DVL3: variants seen among roughly 807,000 people sequenced by gnomAD.
DVL3 encodes the protein segment polarity protein dishevelled homolog DVL-3.
In DVL3, 27 loss-of-function variants were observed where a neutral mutation model predicts 67.4. That is an observed-to-expected ratio of 0.40 (90% CI 0.30 to 0.55). The LOEUF (loss-of-function observed/expected upper bound fraction) is 0.55, where lower values mean the gene tolerates loss of function less well. DVL3 is among the 20% of genes least tolerant of loss of function. The pLI is 0.46. For missense variants in DVL3, 819 were observed against 1,021.5 expected, an observed-to-expected ratio of 0.80 and a Z score of 2.70; for synonymous variants, 369 against 396.8, an observed-to-expected ratio of 0.93 and a Z score of 0.83.
rs763662269 is a variant in DVL3, at chr3:184,167,961, G to A, written c.1394G>A (p.Arg465His). The A allele has an allele frequency of 1.1e-5, 17 of 1,614,148 alleles. No homozygotes were observed. The highest frequency in any genetic ancestry group is 8.5e-6 in the Non-Finnish European group (10 of 1,180,050). The part of the protein sequence containing the change: ...VEGFTDRREA[R>H]KYASNLLKAG... ...GGCTTCACGGACCGGAGGGAGGCCC[G>A]CAAGTATGCCAGCAACCTGCTGAAA... is the stretch of plus-strand genomic sequence containing the variant. The change falls in exon 13 of 15, where the codon CGC (arginine) becomes CAC (histidine). Residue 465 changes from arginine (R) to histidine (H), a missense_variant. Arg to His is a conservative substitution (Grantham distance 29, BLOSUM62 0). Coordinates refer to ENST00000313143, the MANE Select transcript of DVL3 (RefSeq NM_004423.4). The surrounding 1 kb of genome is among the most constrained non-coding windows in gnomAD (Gnocchi z 4.6).
In DVL3 at chr3:184,171,414, C is replaced by G; in HGVS notation, c.*659C>G. ...TGAGCAGCTGGTGGCTTCCAGGGAG[C>G]ATCTCTGCTCTACCCCTGCCCCATG... On this transcript the variant is annotated 3_prime_UTR_variant, in exon 15 of 15. Transcript: ENST00000313143. 1.0e-6 allele frequency: 1 copy of G among 995,682 alleles called. No individual in the cohort carries two copies. The highest frequency in any genetic ancestry group is 4.4e-5 in the South Asian group (1 of 22,516). The allele number at this position is 995,682 out of a possible 1,614,324, so 61.7% of individuals were successfully genotyped here.
In DVL3 at chr3:184,170,198, G is replaced by C. The variant is rs1308904035; in HGVS notation, c.1691G>C (p.Ser564Thr). 2 of 1,611,592 alleles carry C rather than the reference G, an allele frequency of 1.2e-6. No homozygotes were observed. The highest frequency in any genetic ancestry group is 1.7e-6 in the Non-Finnish European group (2 of 1,179,770). ...CTGGGCTACAGCTACGGCGGGGGCA[G>C]CGCCAGCAGTCAGCACAGCGAAGGT... ...PELGYSYGGG[S>T]ASSQHSEGSR... Residue 564 changes from serine (S) to threonine (T), a missense_variant, in exon 14 of 15, where the codon AGC becomes ACC. This residue lies in a region of DVL3 where 324 missense variants were observed against 331.3 expected (regional missense o/e 0.98). Coordinates refer to ENST00000313143, the MANE Select transcript of DVL3 (RefSeq NM_004423.4). This position sits in a 1 kb window ranked among gnomAD's most constrained non-coding sequence, Gnocchi z 6.5.
In DVL3 at chr3:184,171,049, T is replaced by G; in HGVS notation, c.*294T>G. 1 of 1,311,356 alleles carries G rather than the reference T, an allele frequency of 7.6e-7. No homozygotes were observed. The allele number at this position is 1,311,356 out of a possible 1,614,324, so 81.2% of individuals were successfully genotyped here. On this transcript the variant is annotated 3_prime_UTR_variant, in exon 15 of 15. Transcript: ENST00000313143. The stretch of plus-strand genomic sequence containing the variant: ...GACCAGACTTGTTGGTGCTACCCCT[T>G]ACTCCCCTCTGCAACCCCCATTTTG...
rs1270690518 is a variant in DVL3 at position 184,155,779 on chromosome 3, T to A, written c.144T>A (p.Ser48=). ...QRPSYKFFFK[S]MDDDFGVVKE... is the part of the protein sequence containing the mutation. ...CCAGCTATAAGTTCTTCTTCAAGTC[T>A]ATGGACGACGATTTCGGGTGAGGAT... Residue 48 remains serine, a synonymous_variant, in exon 1 of 15, where the codon TCT becomes TCA. Transcript: ENST00000313143. The surrounding 1 kb of genome is among the most constrained non-coding windows in gnomAD (Gnocchi z 5.4). 6.2e-7 allele frequency: 1 copy of A among 1,610,942 alleles called. No individual in the cohort carries two copies. The highest frequency in any genetic ancestry group is 8.5e-7 in the Non-Finnish European group (1 of 1,178,914).
Position 184,164,820 on chromosome 3 carries a change from A to C in DVL3, c.488A>C (p.Lys163Thr). 6.2e-7 allele frequency: 1 copy of C among 1,614,168 alleles called. No individual in the cohort carries two copies. The highest frequency in any genetic ancestry group is 8.5e-7 in the Non-Finnish European group (1 of 1,180,034). ...EHATRLNGTA[K>T]GERRREPGGY... ...GCAACCCGGCTAAATGGAACTGCGAAGGGGGAACGGCGGCGAGAACCAGGG... is the reference window on the plus strand; with the variant it reads ...GCAACCCGGCTAAATGGAACTGCGACGGGGGAACGGCGGCGAGAACCAGGG... The change falls in exon 5 of 15, where the codon AAG (lysine) becomes ACG (threonine). Residue 163 changes from lysine (K) to threonine (T), a missense_variant. By Grantham distance (78) the Lys-to-Thr change is moderately conservative. Transcript: ENST00000313143. This position sits in a 1 kb window ranked among gnomAD's most constrained non-coding sequence, Gnocchi z 5.3.
In DVL3 at chr3:184,171,656, C is replaced by A; in HGVS notation, c.*901C>A. 2.1e-6 allele frequency: 2 copies of A among 945,916 alleles called. No homozygotes were observed. The highest frequency in any genetic ancestry group is 2.5e-6 in the Non-Finnish European group (2 of 793,534). The allele number at this position is 945,916 out of a possible 1,614,324, so 58.6% of individuals were successfully genotyped here. ...AGACCAGGAACCCTGCTTCAGCAGC[C>A]CCTCAGGGCTTCCCAAGGATGTCCA... is the stretch of plus-strand genomic sequence containing the variant. On this transcript the variant is annotated 3_prime_UTR_variant, in exon 15 of 15. Coordinates refer to ENST00000313143, the MANE Select transcript of DVL3 (RefSeq NM_004423.4).
rs925259657 is a variant in DVL3 at position 184,167,304 on chromosome 3, T to C, written c.1199-276T>C. Among the ~76,000 whole-genome samples the C allele has an allele frequency of 6.6e-6, 1 of 152,174 alleles. No individual in the cohort carries two copies. The highest frequency in any genetic ancestry group is 2.4e-5 in the African/African-American group (1 of 41,440). On this transcript the variant is annotated intron_variant, in intron 11 of 14. Coordinates refer to ENST00000313143, the MANE Select transcript of DVL3 (RefSeq NM_004423.4). The surrounding 1 kb of genome is among the most constrained non-coding windows in gnomAD (Gnocchi z 4.6). ...TGCGATGTGTGGTGTAAAGTAAGCA[T>C]TCAGTAAACGGCAGCCATTTCGATT...
Position 184,159,114 on chromosome 3 carries a change from A to G in DVL3, c.161+3318A>G, listed in dbSNP as rs1224302571. Among the ~76,000 whole-genome samples, 25 of 104,948 alleles carry G rather than the reference A, an allele frequency of 2.4e-4. 10 individuals are homozygous for G. The highest frequency in any genetic ancestry group is 9.2e-4 in the African/African-American group (25 of 27,302). The allele number at this position is 104,948 out of a possible 152,430, so 68.8% of individuals were successfully genotyped here. A position where few individuals can be genotyped will look rare whatever the true frequency, so the allele number is the denominator to read the frequency against. On this transcript the variant is annotated intron_variant, in intron 1 of 14. Coordinates refer to ENST00000313143, the MANE Select transcript of DVL3 (RefSeq NM_004423.4). ...TTATTTGAGAAATGGAGGAAGGATA[A>G]ACATTTTCAGCATTGAGGGCATGGT...
chr3:184,170,238 G>C lies in DVL3; in HGVS notation c.1714+17G>C, dbSNP rs774547282. On this transcript the variant is annotated intron_variant, in intron 14 of 14. Coordinates refer to ENST00000313143, the MANE Select transcript of DVL3 (RefSeq NM_004423.4). This position sits in a 1 kb window ranked among gnomAD's most constrained non-coding sequence, Gnocchi z 6.5. ...ACAGCGAAGGTAAGGTAGAGGGGCC[G>C]TGGAGGAAGGCTATAGGTGGGCCCC... 1 of 1,610,936 alleles carries C rather than the reference G, an allele frequency of 6.2e-7. No homozygotes were observed. The highest frequency in any genetic ancestry group is 8.5e-7 in the Non-Finnish European group (1 of 1,178,902).
At position 184,164,978 on chromosome 3, in the gene DVL3, G is replaced by C. The variant is rs1384779373; in HGVS notation, c.599+47G>C. On this transcript the variant is annotated intron_variant, in intron 5 of 14. Coordinates refer to ENST00000313143, the MANE Select transcript of DVL3 (RefSeq NM_004423.4). This position sits in a 1 kb window ranked among gnomAD's most constrained non-coding sequence, Gnocchi z 5.3. ...TATTGTGGGGCAGGTGACCCTGGAG[G>C]AGCCCTAAACCCTGAGGATGCGGGG... 2 of 1,613,342 alleles carry C rather than the reference G, an allele frequency of 1.2e-6. No homozygotes were observed. The highest frequency in any genetic ancestry group is 2.7e-5 in the African/African-American group (2 of 74,912).
At position 184,155,650 on chromosome 3, in the gene DVL3, G is replaced by C; in HGVS notation, c.15G>C (p.Lys5Asn). Residue 5 changes from lysine (K) to asparagine (N), a missense_variant, in exon 1 of 15, where the codon AAG (lysine) becomes AAC (asparagine). By Grantham distance (94) the Lys-to-Asn change is moderately conservative. Transcript: ENST00000313143. This position sits in a 1 kb window ranked among gnomAD's most constrained non-coding sequence, Gnocchi z 5.4. MGET[K>N]IIYHLDGQET... ...AGGCCAGAGCCATGGGCGAGACCAA[G>C]ATCATCTACCACTTGGATGGGCAGG... 2 of 1,598,404 alleles carry C rather than the reference G, an allele frequency of 1.3e-6. No homozygotes were observed. Among genetic ancestry groups the C allele is most frequent in the Non-Finnish European group, 1.7e-6 (2 of 1,174,162 alleles).
Position 184,166,578 on chromosome 3 carries a change from G to A in DVL3, c.981-28G>A. 1 of 1,614,216 alleles carries A rather than the reference G, an allele frequency of 6.2e-7. No individual in the cohort carries two copies. The highest frequency in any genetic ancestry group is 8.5e-7 in the Non-Finnish European group (1 of 1,180,038). On this transcript the variant is annotated intron_variant, in intron 9 of 14. Transcript: ENST00000313143. This position sits in a 1 kb window ranked among gnomAD's most constrained non-coding sequence, Gnocchi z 6.7. Reference sequence around the variant, plus strand: ...GCTTGGTCTGGCCTATACGCATCCTGCCTTCACTAGGACACCCTTGTTTTC... The same window carrying A: ...GCTTGGTCTGGCCTATACGCATCCTACCTTCACTAGGACACCCTTGTTTTC...
chr3:184,161,382 G>A (rs1481163285), intron 1 of DVL3, among the ~76,000 whole-genome samples: 1 of 151,956 alleles, frequency 6.6e-6, no homozygotes, highest in East Asian at 1.9e-4. Context: ...GGCTGAGATT[G>A]CACCACTGGA....
At chr3:184,161,058 C>T (rs1282636763) in intron 1 of DVL3, among the ~76,000 whole-genome samples, 2 of 152,242 alleles carry the variant, frequency 1.3e-5, no homozygotes, top group Non-Finnish European at 2.9e-5. Flanking sequence ...GGCCTGTGAA[C>T]TTGGCTGTGA....
At position 184,166,776 on chromosome 3, in the gene DVL3, C is replaced by T. The variant is rs375125958; in HGVS notation, c.1049-50C>T. 110 of 1,613,370 alleles carry T rather than the reference C, an allele frequency of 6.8e-5. No homozygotes were observed. Among genetic ancestry groups the T allele is most frequent in the Non-Finnish European group, 7.8e-5 (92 of 1,179,610 alleles). The stretch of plus-strand genomic sequence containing the variant: ...GAACCCCCATATCTATCCTGTTGGG[C>T]CCAGCAGTGGGTGGGGTGGGTAGCC... On this transcript the variant is annotated intron_variant, in intron 10 of 14. Transcript: ENST00000313143. The surrounding 1 kb of genome is among the most constrained non-coding windows in gnomAD (Gnocchi z 6.7).
chr3:184,164,363 G>A lies in DVL3; in HGVS notation c.328G>A (p.Gly110Arg), dbSNP rs777165493. ...PPPMERTGGI[G>R]DSRPPSFHPH... ...ACCTATGGAGCGCACGGGAGGCATCGGGGACTCCCGACCCCCATCCTTCCA... is the reference window on the plus strand; with the variant it reads ...ACCTATGGAGCGCACGGGAGGCATCAGGGACTCCCGACCCCCATCCTTCCA... The change falls in exon 3 of 15, where the codon GGG becomes AGG. Residue 110 changes from glycine (G) to arginine (R), a missense_variant. Gly to Arg is a moderately radical substitution (Grantham distance 125). Transcript: ENST00000313143. This position sits in a 1 kb window ranked among gnomAD's most constrained non-coding sequence, Gnocchi z 5.3. 6 of 1,613,876 alleles carry A rather than the reference G, an allele frequency of 3.7e-6. No individual in the cohort carries two copies. Among genetic ancestry groups the A allele is most frequent in the Admixed American group, 1.7e-5 (1 of 59,980 alleles).
At chr3:184,168,120 G>T (rs1354965399) in intron 13 of DVL3, 55 bp downstream of exon 13, 1 of 1,579,634 alleles carries the variant, frequency 6.3e-7, no homozygotes, top group East Asian at 2.3e-5. Context: ...TGGGGAGGTA[G>T]CCAGGGAAGT....
In DVL3 at chr3:184,168,154, A is replaced by G. The variant is rs191360873; in HGVS notation, c.1498+89A>G. Reference sequence around the variant, plus strand: ...GTGGCAGCAGACTCTGGGGAACCCAAACTGGGGGACAGCAGAGCCAGGGGC... The same window carrying G: ...GTGGCAGCAGACTCTGGGGAACCCAGACTGGGGGACAGCAGAGCCAGGGGC... On this transcript the variant is annotated intron_variant, in intron 13 of 14. Coordinates refer to ENST00000313143, the MANE Select transcript of DVL3 (RefSeq NM_004423.4). 7.6e-5 allele frequency: 113 copies of G among 1,480,388 alleles called. No individual in the cohort carries two copies. The African/African-American group carries it at 1.4e-3, about 18-fold the overall frequency. 91.7% of individuals were successfully genotyped at this position (1,480,388 alleles called of 1,614,324 possible).
chr3:184,165,263 C>T lies in DVL3; in HGVS notation c.693+57C>T, dbSNP rs1405311025. 2 of 1,549,032 alleles carry T rather than the reference C, an allele frequency of 1.3e-6. No homozygotes were observed. The highest frequency in any genetic ancestry group is 1.8e-6 in the Non-Finnish European group (2 of 1,139,188). ...AGGCAGATTGTGAGCCCTTCCTACGCAGGGCCAAGGCTTGTTCTTCCTTAG... is the reference window on the plus strand; with the variant it reads ...AGGCAGATTGTGAGCCCTTCCTACGTAGGGCCAAGGCTTGTTCTTCCTTAG... On this transcript the variant is annotated intron_variant, in intron 6 of 14. Coordinates refer to ENST00000313143, the MANE Select transcript of DVL3 (RefSeq NM_004423.4). This position sits in a 1 kb window ranked among gnomAD's most constrained non-coding sequence, Gnocchi z 4.1.
Sources: gnomAD v4.1 joint callset for allele counts (sites outside exome capture counted in the v4.1 genomes callset) on GRCh38, gnomAD v4.1.1 for gene constraint, gnomAD v4.1.1 regional missense constraint, Gnocchi (gnomAD v3.1) non-coding constraint, MANE v1.5 for transcripts, NCBI Gene and HGNC (gene_info 2026-07-23, HGNC 2026-07-21) for gene names.